The following NTSR2 variants were observed in gnomAD, a reference collection of about 807,000 sequenced individuals.
NTSR2 encodes neurotensin receptor 2.
A neutral mutation model predicts 24.1 loss-of-function variants in NTSR2; 22 were observed. The observed-to-expected ratio is 0.91, with a 90% CI of 0.65 to 1.30. The LOEUF (loss-of-function observed/expected upper bound fraction) is 1.30. NTSR2 is among the 50% of genes most tolerant of loss of function. The probability of loss-of-function intolerance (pLI) is 0.00; values close to 1 mark genes in which losing one functional copy is unlikely to be tolerated. For synonymous variants in NTSR2, 291 were observed against 267.0 expected (o/e 1.09, Z -0.88); for missense variants, 570 against 570.4 (o/e 1.00, Z 0.01).
At chr2:11,659,364 C>T (rs779633706) in intron 3 of NTSR2, among the ~76,000 whole-genome samples, 4 of 152,182 alleles carry the variant, frequency 2.6e-5, no homozygotes, top group African/African-American at 7.2e-5. Flanking sequence ...CACTAAGAGC[C>T]GAAGTTCCGT....
chr2:11,668,433 G>A (rs1407164651), intron 1 of NTSR2, among the ~76,000 whole-genome samples: 2 of 152,156 alleles, frequency 1.3e-5, no homozygotes, highest in East Asian at 3.9e-4. Flanking sequence ...ACCTGGGGAC[G>A]TGCCACTAAG....
intron 2 of NTSR2, 30 bp from the exon 3 acceptor site, chr2:11,660,163 G>T: frequency 1.9e-6 from 3 of 1,562,318 alleles, no homozygotes; most frequent in Non-Finnish European, 2.6e-6. Context: ...GAGAGACAGC[G>T]CCAGGAGAAA....
chr2:11,669,456 CA>C, intron 1 of NTSR2, 49 bp downstream of exon 1: 2 of 331,924 alleles, frequency 6.0e-6, no homozygotes, highest in East Asian at 4.3e-5. Context: ...CTCCTCCCAG[CA>C]CCGCCCCCCC....
chr2:11,662,868 C>T (rs1027578657), intron 1 of NTSR2, among the ~76,000 whole-genome samples: 2 of 152,160 alleles, frequency 1.3e-5, no homozygotes, highest in Non-Finnish European at 2.9e-5. Context: ...CCAGAAGAAT[C>T]GATGGAAATA....
At chr2:11,660,350 G>A (rs914220398) in intron 2 of NTSR2, among the ~76,000 whole-genome samples, 1 of 152,138 alleles carries the variant, frequency 6.6e-6, no homozygotes, top group African/African-American at 2.4e-5. Context: ...CTGGATAAGT[G>A]TCCACTCTGG....
At chr2:11,669,460 G>GGGCCCCCCCCCCCCCCCC in intron 1 of NTSR2, 46 bp downstream of exon 1, 1 of 254,724 alleles carries the variant, frequency 3.9e-6, no homozygotes, top group Non-Finnish European at 6.9e-6. Flanking sequence ...TCCCAGCACC[G>GGGCCCCCCCCCCCCCCCC]CCCCCCCACC....
intron 1 of NTSR2, among the ~76,000 whole-genome samples, chr2:11,663,486 A>T (rs1661125884): frequency 6.6e-6 from 1 of 152,244 alleles, no homozygotes; most frequent in African/African-American, 2.4e-5. Context: ...GTGATAGAGG[A>T]GCTGAAAATG....
At chr2:11,665,006 CTG>C (rs762348136) in intron 1 of NTSR2, among the ~76,000 whole-genome samples, 46 of 150,086 alleles carry the variant, frequency 3.1e-4, no homozygotes, top group African/African-American at 6.9e-4. Context: ...GTCAAGGAAA[CTG>C]TGAGCAGCAT....
At chr2:11,659,211 C>T (rs1251647268) in intron 3 of NTSR2, among the ~76,000 whole-genome samples, 2 of 152,242 alleles carry the variant, frequency 1.3e-5, no homozygotes, top group Admixed American at 6.5e-5. Flanking sequence ...GCCCTCCACC[C>T]AGCCTCTATG....
chr2:11,669,453 C>CCGCCCCGGGGGGGGGGG lies in NTSR2; in HGVS notation c.624+52_624+53insCCCCCCCCCCCGGGGCG. 2 of 357,014 alleles carry CCGCCCCGGGGGGGGGGG rather than the reference C, an allele frequency of 5.6e-6. 1 individual carries two copies. The highest frequency in any genetic ancestry group is 1.0e-5 in the Non-Finnish European group (2 of 198,040). 22.1% of individuals were successfully genotyped at this position (357,014 alleles called of 1,614,324 possible). On this transcript the variant is annotated intron_variant, in intron 1 of 3. Transcript: ENST00000306928. ...CCGGGGAGAGGGGGTTCCCTCCTCCCAGCACCGCCCCCCCACCCCCCCTCC... is the reference window on the plus strand; with the variant it reads ...CCGGGGAGAGGGGGTTCCCTCCTCCCCGCCCCGGGGGGGGGGGAGCACCGCCCCCCCACCCCCCCTCC...
chr2:11,662,465 CAG>C (rs757713610), intron 1 of NTSR2, among the ~76,000 whole-genome samples: 8 of 152,076 alleles, frequency 5.3e-5, no homozygotes, highest in South Asian at 2.1e-4. Flanking sequence ...ATAGAGAAAA[CAG>C]AGGGGAGGAA....
chr2:11,670,063 G>C lies in NTSR2; in HGVS notation c.67C>G (p.Leu23Val). 3 of 1,471,406 alleles carry C rather than the reference G, an allele frequency of 2.0e-6. No homozygotes were observed. The highest frequency in any genetic ancestry group is 2.7e-6 in the Non-Finnish European group (3 of 1,118,314). 91.1% of individuals were successfully genotyped at this position (1,471,406 alleles called of 1,614,324 possible). A position where few individuals can be genotyped will look rare whatever the true frequency, so the allele number is the denominator to read the frequency against. Reference protein sequence around the residue: ...SNPGLSLDARLGVDTRLWAKV... With the variant: ...SNPGLSLDARVGVDTRLWAKV... ...GCCCAGAGGCGAGTGTCCACGCCCA[G>C]CCGGGCGTCCAGGCTCAGCCCCGGG... The change falls in exon 1 of 4, where the codon CTG (leucine) becomes GTG (valine). Residue 23 changes from leucine (L) to valine (V), a missense_variant. Leu to Val is a conservative substitution (Grantham distance 32). Transcript: ENST00000306928.
chr2:11,659,999 T>A, intron 3 of NTSR2, 44 bp downstream of exon 3: 1 of 1,544,322 alleles, frequency 6.5e-7, no homozygotes, highest in Non-Finnish European at 8.9e-7. Context: ...CCTAGCCCAG[T>A]TGGGCCCCCT....
Position 11,658,665 on chromosome 2 carries a change from G to C in NTSR2, c.1047C>G (p.Val349=). ...AGAGAAGAGGAGTCACAGCTGAGCT[G>C]ACGTAGAAAAGTGTGTTGGTCACCA... is the stretch of plus-strand genomic sequence containing the variant. ...FYMVTNTLFY[V]SSAVTPLLYN... Residue 349 remains valine (V), a synonymous_variant, in exon 4 of 4, where the codon GTC becomes GTG. Transcript: ENST00000306928. The C allele has an allele frequency of 6.2e-7, 1 of 1,614,174 alleles. No homozygotes were observed. Among genetic ancestry groups the C allele is most frequent in the Non-Finnish European group, 8.5e-7 (1 of 1,180,030 alleles).
Position 11,669,590 on chromosome 2 carries a change from G to A in NTSR2, c.540C>T (p.Leu180=). Residue 180 remains leucine, a synonymous_variant, in exon 1 of 4, where the codon CTC becomes CTT. Transcript: ENST00000306928. The part of the protein sequence containing the change: ...MAVIMGQKHE[L]ETADGEPEPA... Reference sequence around the variant, plus strand: ...GCTCCGGCTCCCCGTCCGCCGTCTCGAGTTCGTGCTTCTGCCCCATGATGA... The same window carrying A: ...GCTCCGGCTCCCCGTCCGCCGTCTCAAGTTCGTGCTTCTGCCCCATGATGA... 1.9e-6 allele frequency: 3 copies of A among 1,582,390 alleles called. No homozygotes were observed. The highest frequency in any genetic ancestry group is 2.6e-6 in the Non-Finnish European group (3 of 1,171,574).
chr2:11,666,703 C>T (rs1025298535), intron 1 of NTSR2, among the ~76,000 whole-genome samples: 3 of 151,882 alleles, frequency 2.0e-5, no homozygotes, highest in East Asian at 3.9e-4. Context: ...ATATCAAAAA[C>T]GAAACAAAAA....
intron 1 of NTSR2, among the ~76,000 whole-genome samples, chr2:11,668,044 G>A (rs547495020): frequency 8.5e-5 from 13 of 152,180 alleles, no homozygotes; most frequent in Non-Finnish European, 1.6e-4. Context: ...TGTGGATTCC[G>A]GGGGCAGGAC....
At chr2:11,664,859 A>C (rs142834869) in intron 1 of NTSR2, among the ~76,000 whole-genome samples, 1 of 152,228 alleles carries the variant, frequency 6.6e-6, no homozygotes, top group Non-Finnish European at 1.5e-5. Flanking sequence ...TCCTAATTTG[A>C]GTCTGGTTAT....
Position 11,669,747 on chromosome 2 carries a change from C to T in NTSR2, c.383G>A (p.Gly128Asp), listed in dbSNP as rs771063680. The T allele has an allele frequency of 6.5e-6, 10 of 1,536,624 alleles. No individual in the cohort carries two copies. The South Asian group carries it at 1.2e-4, about 18-fold the overall frequency. ...CAYATVLSVA[G>D]LSAERCLAVC... ...GGCTAGGCAGCGCTCGGCGCTCAGG[C>T]CTGCCACGCTCAGCACCGTGGCGTA... The change falls in exon 1 of 4, where the codon GGC (glycine) becomes GAC (aspartate). Residue 128 changes from glycine to aspartate, a missense_variant. Transcript: ENST00000306928.
Sources: allele counts gnomAD v4.1 joint callset (sites outside exome capture counted in the v4.1 genomes callset), GRCh38; gene constraint gnomAD v4.1.1; transcripts MANE v1.5; gene names NCBI Gene and HGNC (gene_info 2026-07-23, HGNC 2026-07-21).